The following RNF213 variants were observed in gnomAD, a reference collection of about 807,000 sequenced individuals.
RNF213 encodes E3 ubiquitin-protein ligase RNF213.
Under a neutral mutation model 514.4 loss-of-function variants are expected in RNF213, and 341 were observed. The ratio of observed to expected loss-of-function variants is 0.66; its 90% confidence interval spans 0.61 to 0.73. RNF213 has a LOEUF of 0.73. Ranked by LOEUF, RNF213 falls within the 30% of genes least tolerant of loss-of-function variation. The pLI, the probability that RNF213 is intolerant of heterozygous loss-of-function variation, is 0.00. For synonymous variants in RNF213, 2,655 were observed against 2,658.2 expected (o/e 1.00, Z 0.04); for missense variants, 5,767 against 6,615.6 (o/e 0.87, Z 4.45).
chr17:80,279,234 A>T (rs965997431), intron 3 of RNF213, among the ~76,000 whole-genome samples: 1 of 152,126 alleles, frequency 6.6e-6, no homozygotes, highest in African/African-American at 2.4e-5. Context: ...GGCTGCACTC[A>T]CCTGGCTAAA....
In RNF213 at chr17:80,339,931, C is replaced by T. The variant is rs898187136; in HGVS notation, c.5564C>T (p.Pro1855Leu). The T allele has an allele frequency of 6.5e-7, 1 of 1,536,984 alleles. No individual in the cohort carries two copies. The highest frequency in any genetic ancestry group is 1.4e-5 in the African/African-American group (1 of 73,146). ...GTCTACATGCAAACCCCAAGCCAGC[C>T]CCTGCCCACTTACGATGAGGTGCTG... ...LAVYMQTPSQ[P>L]LPTYDEVLLC... Residue 1855 changes from proline to leucine, a missense_variant, in exon 26 of 68, where the codon CCC becomes CTC. Physicochemically the swap from Pro to Leu is moderately conservative, Grantham distance 98. Coordinates refer to ENST00000582970, the MANE Select transcript of RNF213 (RefSeq NM_001256071.3).
chr17:80,384,810 T>C (rs919398563), intron 59 of RNF213: 6 of 580,368 alleles, frequency 1.0e-5, no homozygotes, highest in Admixed American at 2.6e-5. Flanking sequence ...GTCAGCTCCA[T>C]AGAGGCTGGG....
In RNF213 at chr17:80,398,402, G is replaced by A. The variant is rs2080702971; in HGVS notation, c.*4904G>A. 1 of 152,170 alleles carries A rather than the reference G, an allele frequency of 6.6e-6. No individual in the cohort carries two copies. The highest frequency in any genetic ancestry group is 2.4e-5 in the African/African-American group (1 of 41,428). 9.4% of individuals were successfully genotyped at this position (152,170 alleles called of 1,614,324 possible). A position where few individuals can be genotyped will look rare whatever the true frequency, so the allele number is the denominator to read the frequency against. ...AAATTTCAGGAAAGGATTTAAGGGAGACTATGGAGTACTATGACACCAGGA... is the reference window on the plus strand; with the variant it reads ...AAATTTCAGGAAAGGATTTAAGGGAAACTATGGAGTACTATGACACCAGGA... On this transcript the variant is annotated 3_prime_UTR_variant, in exon 68 of 68. Transcript: ENST00000582970.
intron 67 of RNF213, among the ~76,000 whole-genome samples, chr17:80,392,020 G>T (rs375541080): frequency 5.3e-5 from 8 of 151,730 alleles, no homozygotes; most frequent in Non-Finnish European, 1.2e-4. Flanking sequence ...TGCCCGTCTC[G>T]GCCTCCCAAA....
intron 15 of RNF213, among the ~76,000 whole-genome samples, chr17:80,314,061 ATGGAGGTGATGGTGGTGG>A (rs1317201086): frequency 2.1e-4 from 5 of 23,364 alleles, no homozygotes; most frequent in African/African-American, 8.5e-4. Flanking sequence ...GGTGGAGGTA[ATGGAGGTGATGGTGGTGG>A]TGGAGGTGAT....
At chr17:80,333,473 C>G (rs1379199014) in intron 21 of RNF213, among the ~76,000 whole-genome samples, 1 of 151,636 alleles carries the variant, frequency 6.6e-6, no homozygotes, top group East Asian at 2.0e-4. Context: ...GTGGGCAGAT[C>G]ACCTGAGGTG....
rs749378955 is a variant in RNF213, at chr17:80,383,850, A to C, written c.14244A>C (p.Thr4748=). 6.2e-7 allele frequency: 1 copy of C among 1,614,192 alleles called. No homozygotes were observed. Among genetic ancestry groups the C allele is most frequent in the South Asian group, 1.1e-5 (1 of 91,078 alleles). Residue 4748 remains threonine (T), a synonymous_variant, in exon 59 of 68, where the codon ACA becomes ACC. Transcript: ENST00000582970. The stretch of plus-strand genomic sequence containing the variant: ...TTTGGAGCTGCAGGAAAAGAATTAC[A>C]GTTGAGTACCTCCAGCACATTGTGG... ...SKIWSCRKRI[T]VEYLQHIVEQ...
intron 42 of RNF213, among the ~76,000 whole-genome samples, chr17:80,367,252 TA>T (rs2079312145): frequency 6.6e-6 from 1 of 152,206 alleles, no homozygotes; most frequent in Non-Finnish European, 1.5e-5. Context: ...CATTTAGAAA[TA>T]TAGTTATCTC....
In RNF213 at chr17:80,346,134, G is replaced by A. The variant is rs550210894; in HGVS notation, c.7799G>A (p.Arg2600Lys). 5 of 1,614,200 alleles carry A rather than the reference G, an allele frequency of 3.1e-6. No homozygotes were observed. In the African/African-American group the frequency reaches 5.3e-5, roughly 17 times the overall value. Residue 2600 changes from arginine (R) to lysine (K), a missense_variant, in exon 29 of 68, where the codon AGA (arginine) becomes AAA (lysine). By Grantham distance (26) the Arg-to-Lys change is conservative. Transcript: ENST00000582970. This position sits in a 1 kb window ranked among gnomAD's most constrained non-coding sequence, Gnocchi z 8.1. ...CTCTACATCCAGCAGATTGTCCAGAGACTGGTTGAGTCCATCAGCCTAGAT... is the reference window on the plus strand; with the variant it reads ...CTCTACATCCAGCAGATTGTCCAGAAACTGGTTGAGTCCATCAGCCTAGAT... ...EKLYIQQIVQ[R>K]LVESISLDEN... is the part of the protein sequence containing the mutation.
chr17:80,270,223 G>A (rs2043773280), intron 2 of RNF213, among the ~76,000 whole-genome samples: 1 of 152,208 alleles, frequency 6.6e-6, no homozygotes, highest in Non-Finnish European at 1.5e-5. Context: ...AGCCTCCCTG[G>A]CTCTGCCACC....
chr17:80,367,671 G>A, intron 42 of RNF213, 77 bp from the exon 43 acceptor site: 1 of 1,113,812 alleles, frequency 9.0e-7, no homozygotes. Flanking sequence ...CCTGAATGTG[G>A]TGCTCCCTCT....
At chr17:80,281,447 A>AACACAC (rs1224437029) in intron 3 of RNF213, among the ~76,000 whole-genome samples, 3 of 51,410 alleles carry the variant, frequency 5.8e-5, no homozygotes, top group Non-Finnish European at 4.3e-5. Flanking sequence ...CACACCCTGC[A>AACACAC]ACATACACCC....
rs202024727 is a variant in RNF213 at position 80,308,950 on chromosome 17, C to CA, written c.2502-66dup. 2.2e-3 allele frequency: 3,537 copies of CA among 1,589,004 alleles called. 71 individuals are homozygous for CA. The South Asian group carries it at 0.024, about 11-fold the overall frequency. Reference sequence around the variant, plus strand: ...TATTTTGAAGGAAGGAGCTAGTCATCAATGGTAACCATTTTCTGGCTTCTC... The same window carrying CA: ...TATTTTGAAGGAAGGAGCTAGTCATCAAATGGTAACCATTTTCTGGCTTCTC... On this transcript the variant is annotated intron_variant, in intron 13 of 67. Coordinates refer to ENST00000582970, the MANE Select transcript of RNF213 (RefSeq NM_001256071.3).
chr17:80,272,621 C>T (rs2043862347), intron 2 of RNF213, among the ~76,000 whole-genome samples: 1 of 152,204 alleles, frequency 6.6e-6, no homozygotes, highest in African/African-American at 2.4e-5. Flanking sequence ...CCCTGCCTCC[C>T]AGCACTGGCA....
rs141620585 is a variant in RNF213 at position 80,288,805 on chromosome 17, G to A, written c.933+50G>A. 4.6e-4 allele frequency: 742 copies of A among 1,613,244 alleles called. 3 individuals are homozygous for A. In the African/African-American group the frequency reaches 5.0e-3, roughly 11 times the overall value. On this transcript the variant is annotated intron_variant, in intron 5 of 67. Transcript: ENST00000582970. The surrounding 1 kb of genome is among the most constrained non-coding windows in gnomAD (Gnocchi z 4.9). The stretch of plus-strand genomic sequence containing the variant: ...CTCCAGGAGGCCCTCTCCTGCCCAC[G>A]GCTGCGCCTCTTTCATTTAATTATT...
chr17:80,383,107 G>A lies in RNF213; in HGVS notation c.14070+37G>A, dbSNP rs556020444. On this transcript the variant is annotated intron_variant, in intron 58 of 67. Coordinates refer to ENST00000582970, the MANE Select transcript of RNF213 (RefSeq NM_001256071.3). ...GTGCTGACAGCTGGGTTGCTCCTCGGTCCAGAAAGGAAGGGTCCCGGCGTC... is the reference window on the plus strand; with the variant it reads ...GTGCTGACAGCTGGGTTGCTCCTCGATCCAGAAAGGAAGGGTCCCGGCGTC... 8.8e-6 allele frequency: 13 copies of A among 1,471,136 alleles called. No individual in the cohort carries two copies. The East Asian group carries it at 2.5e-4, about 28-fold the overall frequency. The allele number at this position is 1,471,136 out of a possible 1,614,324, so 91.1% of individuals were successfully genotyped here. A position where few individuals can be genotyped will look rare whatever the true frequency, so the allele number is the denominator to read the frequency against.
In RNF213 at chr17:80,396,443, A is replaced by T. The variant is rs1207119003; in HGVS notation, c.*2945A>T. Reference sequence around the variant, plus strand: ...TGATAAATATTGGGAAGAAAATGTCAGCTCAGGGCCAAGTAGGTAAAGCCA... The same window carrying T: ...TGATAAATATTGGGAAGAAAATGTCTGCTCAGGGCCAAGTAGGTAAAGCCA... On this transcript the variant is annotated 3_prime_UTR_variant, in exon 68 of 68. Coordinates refer to ENST00000582970, the MANE Select transcript of RNF213 (RefSeq NM_001256071.3). The T allele has an allele frequency of 1.3e-5, 2 of 152,330 alleles. No homozygotes were observed. The highest frequency in any genetic ancestry group is 1.5e-5 in the Non-Finnish European group (1 of 68,034). The allele number at this position is 152,330 out of a possible 1,614,324, so 9.4% of individuals were successfully genotyped here. A position where few individuals can be genotyped will look rare whatever the true frequency, so the allele number is the denominator to read the frequency against.
intron 13 of RNF213, among the ~76,000 whole-genome samples, chr17:80,308,072 C>T (rs926824563): frequency 1.3e-5 from 2 of 152,048 alleles, no homozygotes; most frequent in Non-Finnish European, 2.9e-5. Context: ...AAATCATTTG[C>T]TCCTGCAAAT....
rs1384047571 is a variant in RNF213 at position 80,317,142 on chromosome 17, G to A, written c.2812-46G>A. Reference sequence around the variant, plus strand: ...TCTCCTTTCATGGGAGTGTGCCGTGGCATTTAGTCGTGAGAGTGGGTGTGA... The same window carrying A: ...TCTCCTTTCATGGGAGTGTGCCGTGACATTTAGTCGTGAGAGTGGGTGTGA... On this transcript the variant is annotated intron_variant, in intron 15 of 67. Transcript: ENST00000582970. This position sits in a 1 kb window ranked among gnomAD's most constrained non-coding sequence, Gnocchi z 4.1. 1.3e-6 allele frequency: 2 copies of A among 1,579,612 alleles called. No homozygotes were observed. The highest frequency in any genetic ancestry group is 1.7e-6 in the Non-Finnish European group (2 of 1,156,150).
Sources: gnomAD v4.1 joint callset for allele counts (sites outside exome capture counted in the v4.1 genomes callset) on GRCh38, gnomAD v4.1.1 for gene constraint, Gnocchi (gnomAD v3.1) non-coding constraint, MANE v1.5 for transcripts, NCBI Gene and HGNC (gene_info 2026-07-23, HGNC 2026-07-21) for gene names.